FAT3: variants seen among roughly 807,000 people sequenced by gnomAD.
FAT3 encodes the protein protocadherin Fat 3.
Under a neutral mutation model 310.2 loss-of-function variants are expected in FAT3, and 95 were observed. The observed-to-expected ratio is 0.31, with a 90% confidence interval of 0.26 to 0.36. The LOEUF is 0.36. FAT3 is among the 10% of genes least tolerant of loss of function. FAT3 has a pLI of 1.00. For missense variants in FAT3, 5,408 were observed against 5,715.6 expected (o/e 0.95, Z 1.74); for synonymous variants, 2,314 against 2,192.9 (o/e 1.06, Z -1.54).
At position 92,830,758 on chromosome 11, in the gene FAT3, A is replaced by G. The variant is rs976146779; in HGVS notation, c.9482-864A>G. 3.9e-5 allele frequency among the ~76,000 whole-genome samples: 6 copies of G among 152,110 alleles called. No individual in the cohort carries two copies. The East Asian group carries it at 7.7e-4, about 20-fold the overall frequency. Reference sequence around the variant, plus strand: ...AGCTAATGACAACCCCCTCTTTCCAATTGCTCAGGCCAAAACCTAAGGGTC... The same window carrying G: ...AGCTAATGACAACCCCCTCTTTCCAGTTGCTCAGGCCAAAACCTAAGGGTC... On this transcript the variant is annotated intron_variant, in intron 13 of 27. Coordinates refer to ENST00000525166, the MANE Select transcript of FAT3 (RefSeq NM_001367949.2).
At chr11:92,230,938 G>A (rs539714563) in intron 1 of FAT3, among the ~76,000 whole-genome samples, 1 of 152,260 alleles carries the variant, frequency 6.6e-6, no homozygotes, top group African/African-American at 2.4e-5. Flanking sequence ...TGTATGCAAG[G>A]CACTATGAAA....
chr11:92,710,743 C>T (rs1375745766), intron 4 of FAT3, among the ~76,000 whole-genome samples: 1 of 152,156 alleles, frequency 6.6e-6, no homozygotes, highest in Non-Finnish European at 1.5e-5. Context: ...TTGATACATG[C>T]ACAAAACCAT....
Position 92,715,127 on chromosome 11 carries a change from C to T in FAT3, c.3669+17682C>T, listed in dbSNP as rs1190598025. 3.3e-5 allele frequency among the ~76,000 whole-genome samples: 5 copies of T among 151,670 alleles called. No individual in the cohort carries two copies. In the East Asian group the frequency reaches 7.7e-4, roughly 23 times the overall value. ...CTGGGAATATTAAAATTAAATTGGC[C>T]GGGTGCGTTGGCTCACACCTGTAAT... On this transcript the variant is annotated intron_variant, in intron 4 of 27. Transcript: ENST00000525166.
At chr11:92,582,516 C>T (rs1938866029) in intron 3 of FAT3, among the ~76,000 whole-genome samples, 1 of 151,886 alleles carries the variant, frequency 6.6e-6, no homozygotes, top group South Asian at 2.1e-4. Flanking sequence ...TCTAGCAATC[C>T]TTCATATAAC....
chr11:92,865,863 G>A (rs540356596), intron 21 of FAT3, among the ~76,000 whole-genome samples: 4 of 152,118 alleles, frequency 2.6e-5, no homozygotes, highest in Non-Finnish European at 4.4e-5. Context: ...TTAGCCTCCC[G>A]GGCGCAGTGA....
intron 2 of FAT3, among the ~76,000 whole-genome samples, chr11:92,460,079 T>C (rs1191793953): frequency 6.6e-6 from 1 of 152,156 alleles, no homozygotes; most frequent in Non-Finnish European, 1.5e-5. Context: ...TCTGTCTTCT[T>C]TTTTCCTCCA....
At chr11:92,320,633 C>CA (rs1947589654) in intron 1 of FAT3, among the ~76,000 whole-genome samples, 1 of 151,998 alleles carries the variant, frequency 6.6e-6, no homozygotes, top group African/African-American at 2.4e-5. Flanking sequence ...TTTGGGAGGC[C>CA]AAGGCAGGTA....
Position 92,801,644 on chromosome 11 carries a change from C to A in FAT3, c.8631C>A (p.Thr2877=), listed in dbSNP as rs1194501638. The A allele has an allele frequency of 1.2e-6, 2 of 1,613,848 alleles. No homozygotes were observed. The highest frequency in any genetic ancestry group is 1.7e-5 in the Admixed American group (1 of 60,012). Residue 2877 remains threonine (T), a synonymous_variant, in exon 10 of 28, where the codon ACC becomes ACA. Transcript: ENST00000525166. ...ACAGCAACACGGGCTGGATCAGTACCTTGAAGGACCTAGATCACGAGACAG... is the reference window on the plus strand; with the variant it reads ...ACAGCAACACGGGCTGGATCAGTACATTGAAGGACCTAGATCACGAGACAG... ...NIDSNTGWIS[T]LKDLDHETDP... is the part of the protein sequence containing the mutation.
chr11:92,610,934 T>C (rs1273342704), intron 3 of FAT3, among the ~76,000 whole-genome samples: 1 of 152,142 alleles, frequency 6.6e-6, no homozygotes, highest in Non-Finnish European at 1.5e-5. Context: ...TTAGTGTTTA[T>C]AGGAGAATAT....
chr11:92,276,669 T>G lies in FAT3; in HGVS notation c.-18+51495T>G, dbSNP rs201551406. On this transcript the variant is annotated intron_variant, in intron 1 of 27. Transcript: ENST00000525166. ...TATGTATAGAGTAGACATAGCACAA[T>G]CTGTAGTGGGGAGTCAAGCTCAGTT... is the stretch of plus-strand genomic sequence containing the variant. Among the ~76,000 whole-genome samples the G allele has an allele frequency of 2.8e-4, 42 of 152,220 alleles. No homozygotes were observed. In the East Asian group the frequency reaches 5.0e-3, roughly 18 times the overall value.
intron 1 of FAT3, among the ~76,000 whole-genome samples, chr11:92,277,941 G>T (rs575397379): frequency 6.6e-6 from 1 of 151,842 alleles, no homozygotes; most frequent in African/African-American, 2.4e-5. Context: ...AAAATTAGCT[G>T]GGCCTGGTGG....
Position 92,524,646 on chromosome 11 carries a change from C to A in FAT3, c.3305C>A (p.Ala1102Asp). The A allele has an allele frequency of 6.2e-7, 1 of 1,612,888 alleles. No homozygotes were observed. The highest frequency in any genetic ancestry group is 8.5e-7 in the Non-Finnish European group (1 of 1,179,080). Reference protein sequence around the residue: ...SIDDESGVITAADILDRETMG... With the variant: ...SIDDESGVITDADILDRETMG... ...TTTTTTGTCTCAGGGGTCATCACTGCCGCAGACATTCTTGATCGGGAGACA... is the reference window on the plus strand; with the variant it reads ...TTTTTTGTCTCAGGGGTCATCACTGACGCAGACATTCTTGATCGGGAGACA... The change falls in exon 3 of 28, where the codon GCC (alanine) becomes GAC (aspartate). Residue 1102 changes from alanine (A) to aspartate (D), a missense_variant. By Grantham distance (126) the Ala-to-Asp change is moderately radical. Transcript: ENST00000525166.
chr11:92,547,695 T>C (rs1329658000), intron 3 of FAT3, among the ~76,000 whole-genome samples: 2 of 152,084 alleles, frequency 1.3e-5, no homozygotes, highest in East Asian at 1.9e-4. Flanking sequence ...CACACTCTGC[T>C]CTGTCCCTCA....
At chr11:92,711,950 G>C (rs1041029040) in intron 4 of FAT3, among the ~76,000 whole-genome samples, 2 of 152,250 alleles carry the variant, frequency 1.3e-5, no homozygotes, top group East Asian at 3.9e-4. Flanking sequence ...TAAAATTTCA[G>C]AGCTAAATAG....
At chr11:92,463,217 T>C (rs1222626965) in intron 2 of FAT3, among the ~76,000 whole-genome samples, 2 of 152,348 alleles carry the variant, frequency 1.3e-5, no homozygotes, top group East Asian at 3.9e-4. Context: ...TTATATCATG[T>C]TCCTTGACTA....
chr11:92,336,968 G>A (rs944184326), intron 1 of FAT3, among the ~76,000 whole-genome samples: 3 of 152,052 alleles, frequency 2.0e-5, no homozygotes, highest in Non-Finnish European at 4.4e-5. Flanking sequence ...TTTTATCGTT[G>A]CCATCCGCCA....
chr11:92,685,606 T>TTTA (rs764351572), intron 3 of FAT3, among the ~76,000 whole-genome samples: 46 of 149,560 alleles, frequency 3.1e-4, no homozygotes, highest in Non-Finnish European at 5.2e-4. Flanking sequence ...TATTTAATTA[T>TTTA]TTATTATTAT....
intron 1 of FAT3, among the ~76,000 whole-genome samples, chr11:92,317,010 T>C (rs953948735): frequency 1.3e-5 from 2 of 152,172 alleles, no homozygotes; most frequent in African/African-American, 4.8e-5. Context: ...TCAGGACTGA[T>C]GATTCTGAAT....
At chr11:92,822,398 C>T (rs1947990913) in intron 13 of FAT3, among the ~76,000 whole-genome samples, 1 of 151,980 alleles carries the variant, frequency 6.6e-6, no homozygotes, top group African/African-American at 2.4e-5. Context: ...GGATTTAAGG[C>T]AGTACTAATA....
Sources: gnomAD v4.1 joint callset for allele counts (sites outside exome capture counted in the v4.1 genomes callset) on GRCh38, gnomAD v4.1.1 for gene constraint, MANE v1.5 for transcripts, NCBI Gene and HGNC (gene_info 2026-07-23, HGNC 2026-07-21) for gene names.